The following LRMDA variants were observed in gnomAD, a reference collection of about 807,000 sequenced individuals.
LRMDA encodes leucine rich melanocyte differentiation associated, also known as leucine-rich melanocyte differentiation-associated protein.
Under a neutral mutation model 29.8 loss-of-function variants are expected in LRMDA, and 18 were observed. The observed-to-expected ratio is 0.60, with a 90% CI of 0.42 to 0.90. The LOEUF (loss-of-function observed/expected upper bound fraction) is 0.90. Ranked by LOEUF, LRMDA falls within the 40% of genes least tolerant of loss-of-function variation. LRMDA has a pLI of 0.00. For synonymous variants in LRMDA, 125 were observed against 109.4 expected (o/e 1.14, Z -0.89); for missense variants, 273 against 273.9 (o/e 1.00, Z 0.02).
intron 5 of LRMDA, among the ~76,000 whole-genome samples, chr10:76,157,663 A>C (rs1850563081): frequency 6.6e-6 from 1 of 151,978 alleles, no homozygotes; most frequent in South Asian, 2.1e-4. Flanking sequence ...TAGACCTCCG[A>C]GATGGACAGC....
intron 5 of LRMDA, among the ~76,000 whole-genome samples, chr10:76,295,296 G>A (rs17376389): frequency 0.17 from 26,572 of 152,188 alleles, 2,478 homozygotes; most frequent in Non-Finnish European, 0.23. Context: ...GACCATTTTT[G>A]TAAGGCATTG....
At chr10:76,117,756 G>C (rs1849691817) in intron 5 of LRMDA, among the ~76,000 whole-genome samples, 1 of 152,114 alleles carries the variant, frequency 6.6e-6, no homozygotes. Flanking sequence ...AGCAAACTTT[G>C]GCAGACTGAT....
chr10:75,863,535 T>A (rs1844968406), intron 2 of LRMDA, among the ~76,000 whole-genome samples: 1 of 152,208 alleles, frequency 6.6e-6, no homozygotes, highest in Non-Finnish European at 1.5e-5. Context: ...ACCGGCTGTG[T>A]GGCCTAGGTC....
chr10:75,922,242 G>T (rs903571307), intron 2 of LRMDA, among the ~76,000 whole-genome samples: 5 of 152,164 alleles, frequency 3.3e-5, no homozygotes, highest in African/African-American at 9.7e-5. Flanking sequence ...AAGAAGAAGT[G>T]TTCCTACTCT....
At chr10:76,204,432 A>G (rs1365526712) in intron 5 of LRMDA, among the ~76,000 whole-genome samples, 1 of 152,246 alleles carries the variant, frequency 6.6e-6, no homozygotes, top group East Asian at 1.9e-4. Context: ...TCACCCACAT[A>G]TCCACTACCT....
At chr10:75,618,370 CTCTCTCTCTCTCTATA>C (rs994484327) in intron 2 of LRMDA, among the ~76,000 whole-genome samples, 6 of 80,152 alleles carry the variant, frequency 7.5e-5, no homozygotes, top group Non-Finnish European at 1.3e-4. Flanking sequence ...CTCTCTCTCT[CTCTCTCTCTCTCTATA>C]TATATATATA....
chr10:76,324,579 A>G, intron 6 of LRMDA, 94 bp downstream of exon 6: 1 of 1,093,002 alleles, frequency 9.1e-7, no homozygotes, highest in Non-Finnish European at 1.4e-6. Context: ...TCGGCACTTT[A>G]GAAAGAACAC....
chr10:76,249,820 T>C (rs953999581), intron 5 of LRMDA, among the ~76,000 whole-genome samples: 1 of 152,214 alleles, frequency 6.6e-6, no homozygotes, highest in African/African-American at 2.4e-5. Context: ...TATTTATTTT[T>C]TGAGACAGTT....
At chr10:76,378,979 C>T (rs191335216) in intron 6 of LRMDA, among the ~76,000 whole-genome samples, 7 of 150,730 alleles carry the variant, frequency 4.6e-5, no homozygotes. Flanking sequence ...GCCTCAGTCT[C>T]CCGGGTAGCT....
intron 6 of LRMDA, among the ~76,000 whole-genome samples, chr10:76,487,191 C>T (rs746511213): frequency 1.7e-4 from 26 of 151,864 alleles, no homozygotes; most frequent in Non-Finnish European, 3.2e-4. Context: ...GCTCTTGAAT[C>T]TTGATTCCTA....
chr10:76,098,893 A>T (rs1011142377), intron 5 of LRMDA, among the ~76,000 whole-genome samples: 1 of 152,206 alleles, frequency 6.6e-6, no homozygotes, highest in Admixed American at 6.5e-5. Flanking sequence ...AGATGAAATA[A>T]TAGGGAGGTG....
intron 2 of LRMDA, among the ~76,000 whole-genome samples, chr10:75,972,973 T>G (rs1847003124): frequency 6.6e-6 from 1 of 151,690 alleles, no homozygotes; most frequent in Non-Finnish European, 1.5e-5. Context: ...CTGGGGAAAT[T>G]AAGACTATAT....
chr10:76,281,723 TGACA>T (rs1470771871), intron 5 of LRMDA, among the ~76,000 whole-genome samples: 1 of 152,198 alleles, frequency 6.6e-6, no homozygotes, highest in East Asian at 1.9e-4. Context: ...CTGCCTTACC[TGACA>T]GACCCCTAAA....
chr10:76,519,789 A>G (rs1843100489), intron 6 of LRMDA, among the ~76,000 whole-genome samples: 1 of 151,894 alleles, frequency 6.6e-6, no homozygotes, highest in Admixed American at 6.6e-5. Context: ...GACTATTTTT[A>G]TTTTTATGTT....
chr10:75,903,291 T>C (rs1845705987), intron 2 of LRMDA, among the ~76,000 whole-genome samples: 1 of 152,214 alleles, frequency 6.6e-6, no homozygotes, highest in Admixed American at 6.5e-5. Flanking sequence ...ACAGGTCAGC[T>C]CTGAAGCCCT....
At chr10:76,313,609 A>T (rs1260253337) in intron 5 of LRMDA, among the ~76,000 whole-genome samples, 1 of 152,230 alleles carries the variant, frequency 6.6e-6, no homozygotes, top group East Asian at 1.9e-4. Context: ...AACATACTTT[A>T]GAAGCTAGTT....
chr10:76,082,221 G>A (rs947569160), intron 5 of LRMDA, among the ~76,000 whole-genome samples: 1 of 152,084 alleles, frequency 6.6e-6, no homozygotes. Context: ...TACGCAGGGG[G>A]CCCTCAAGCC....
intron 6 of LRMDA, among the ~76,000 whole-genome samples, chr10:76,505,281 C>A (rs886479026): frequency 6.6e-6 from 1 of 151,630 alleles, no homozygotes; most frequent in African/African-American, 2.4e-5. Flanking sequence ...TAACTATGTT[C>A]CTTGGGGATT....
intron 5 of LRMDA, among the ~76,000 whole-genome samples, chr10:76,198,138 T>C (rs1428361800): frequency 2.0e-5 from 3 of 152,194 alleles, no homozygotes; most frequent in African/African-American, 7.2e-5. Context: ...TTCTTAACTT[T>C]CTGGTCACCC....
Sources: gnomAD v4.1 joint callset for allele counts (sites outside exome capture counted in the v4.1 genomes callset) on GRCh38, gnomAD v4.1.1 for gene constraint, MANE v1.5 for transcripts, NCBI Gene and HGNC (gene_info 2026-07-23, HGNC 2026-07-21) for gene names.